SMAD3: variants seen among roughly 807,000 people sequenced by gnomAD.
The protein encoded by SMAD3 is MAD homolog 3.
SMAD3 carries 12 observed loss-of-function variants against 51.8 expected under a neutral mutation model. The observed-to-expected ratio is 0.23, with a 90% CI of 0.15 to 0.38. The LOEUF is 0.38. Among genes scored for constraint, SMAD3 ranks in the 10% least tolerant of loss-of-function variants. The pLI is 1.00. For missense variants in SMAD3, 294 were observed against 565.6 expected (o/e 0.52, Z 4.87); for synonymous variants, 238 against 227.7 (o/e 1.05, Z -0.41).
At chr15:67,172,492 A>G (rs1303827894) in intron 5 of SMAD3, among the ~76,000 whole-genome samples, 2 of 152,300 alleles carry the variant, frequency 1.3e-5, no homozygotes, top group Admixed American at 1.3e-4. Context: ...ATCCCTACCC[A>G]GAAGGTCACC....
chr15:67,127,256 G>C (rs1182591708), intron 1 of SMAD3, among the ~76,000 whole-genome samples: 2 of 152,192 alleles, frequency 1.3e-5, no homozygotes, highest in African/African-American at 4.8e-5. Context: ...CTGTCTACCA[G>C]GTGTTTTGTT....
At chr15:67,105,103 C>T (rs754590180) in intron 1 of SMAD3, among the ~76,000 whole-genome samples, 4 of 152,220 alleles carry the variant, frequency 2.6e-5, no homozygotes, top group Non-Finnish European at 4.4e-5. Context: ...ACCTTTGGCC[C>T]TTTCTTTCCA....
In SMAD3 at chr15:67,185,888, C is replaced by T. The variant is rs190678078; in HGVS notation, c.1009+1024C>T. Among the ~76,000 whole-genome samples, 40 of 152,378 alleles carry T rather than the reference C, an allele frequency of 2.6e-4. 1 individual carries two copies. Among genetic ancestry groups the T allele is most frequent in the East Asian group, 2.1e-3 (11 of 5,186 alleles). Reference sequence around the variant, plus strand: ...CCTGGCCAGGCCATTGCCTGTGGCACGTGTGTGGCATGCCCCTTCCTGCCC... The same window carrying T: ...CCTGGCCAGGCCATTGCCTGTGGCATGTGTGTGGCATGCCCCTTCCTGCCC... On this transcript the variant is annotated intron_variant, in intron 7 of 8. Coordinates refer to ENST00000327367, the MANE Select transcript of SMAD3 (RefSeq NM_005902.4).
intron 1 of SMAD3, among the ~76,000 whole-genome samples, chr15:67,125,545 T>C (rs1329585030): frequency 6.6e-6 from 1 of 152,130 alleles, no homozygotes. Flanking sequence ...ATGATAGGAG[T>C]TAACCACTTT....
chr15:67,114,348 C>T (rs1297476278), intron 1 of SMAD3, among the ~76,000 whole-genome samples: 3 of 152,160 alleles, frequency 2.0e-5, no homozygotes, highest in Non-Finnish European at 2.9e-5. Flanking sequence ...TCATCACCTA[C>T]GGTTATGTGT....
chr15:67,066,812 C>T (rs1959932933), intron 1 of SMAD3, among the ~76,000 whole-genome samples: 1 of 152,246 alleles, frequency 6.6e-6, no homozygotes, highest in African/African-American at 2.4e-5. Context: ...TCAGTCGGGT[C>T]TCCCCACTTT....
intron 8 of SMAD3, among the ~76,000 whole-genome samples, chr15:67,189,199 G>A (rs1280249606): frequency 1.3e-5 from 2 of 152,178 alleles, no homozygotes; most frequent in Non-Finnish European, 2.9e-5. Context: ...AAAGAGTAAG[G>A]GGATGTCCAT....
chr15:67,188,142 CTTTT>C (rs1200876058), intron 8 of SMAD3, among the ~76,000 whole-genome samples: 3 of 110,568 alleles, frequency 2.7e-5, no homozygotes, highest in Admixed American at 9.3e-5. Context: ...GTTTCTTTTT[CTTTT>C]TCTTTTTTTT....
At chr15:67,178,725 A>G (rs980795289) in intron 5 of SMAD3, among the ~76,000 whole-genome samples, 2 of 151,648 alleles carry the variant, frequency 1.3e-5, no homozygotes, top group African/African-American at 2.4e-5. Flanking sequence ...TAGTGACCAC[A>G]TTGTTTAGAA....
At chr15:67,159,923 A>G (rs907537430) in intron 1 of SMAD3, among the ~76,000 whole-genome samples, 1 of 152,214 alleles carries the variant, frequency 6.6e-6, no homozygotes, top group African/African-American at 2.4e-5. Context: ...TCATCTGTTA[A>G]TACATGTGGA....
At chr15:67,143,044 A>G (rs1961875369) in intron 1 of SMAD3, 1 of 212,786 alleles carries the variant, frequency 4.7e-6, no homozygotes, top group Non-Finnish European at 1.0e-5. Flanking sequence ...GTGATTCTCT[A>G]ATGCCAGCTT....
At position 67,179,415 on chromosome 15, in the gene SMAD3, TCCCACCCATCCA is replaced by T. The variant is rs563040052; in HGVS notation, c.659-1817_659-1806del. Among the ~76,000 whole-genome samples, 30 of 152,024 alleles carry T rather than the reference TCCCACCCATCCA, an allele frequency of 2.0e-4. No homozygotes were observed. In the East Asian group the frequency reaches 5.0e-3, roughly 26 times the overall value. ...CATCCTGCAATCTGCAGATCCTCCC[TCCCACCCATCCA>T]CCCACCCAACAAAGAATTATCTGGC... On this transcript the variant is annotated intron_variant, in intron 5 of 8. Coordinates refer to ENST00000327367, the MANE Select transcript of SMAD3 (RefSeq NM_005902.4).
At position 67,090,732 on chromosome 15, in the gene SMAD3, A is replaced by G. The variant is rs1011956717; in HGVS notation, c.206+24372A>G. 1.2e-4 allele frequency among the ~76,000 whole-genome samples: 18 copies of G among 152,172 alleles called. 1 individual carries two copies. Among genetic ancestry groups the G allele is most frequent in the African/African-American group, 4.3e-4 (18 of 41,436 alleles). ...AGCCCTAGATGCTTCTCCTTACTGC[A>G]GTTCCCCTCCCCAGCACTCCCATCT... On this transcript the variant is annotated intron_variant, in intron 1 of 8. Coordinates refer to ENST00000327367, the MANE Select transcript of SMAD3 (RefSeq NM_005902.4).
In SMAD3 at chr15:67,103,215, C is replaced by T. The variant is rs1316121189; in HGVS notation, c.206+36855C>T. On this transcript the variant is annotated intron_variant, in intron 1 of 8. Coordinates refer to ENST00000327367, the MANE Select transcript of SMAD3 (RefSeq NM_005902.4). ...TCCTTGCCCCTGCCTCCCATCACCCCAGTGGAAGAGTTATAGTCAAGGTAG... is the reference window on the plus strand; with the variant it reads ...TCCTTGCCCCTGCCTCCCATCACCCTAGTGGAAGAGTTATAGTCAAGGTAG... Among the ~76,000 whole-genome samples the T allele has an allele frequency of 3.3e-5, 5 of 152,148 alleles. No homozygotes were observed. The South Asian group carries it at 8.3e-4, about 25-fold the overall frequency.
chr15:67,165,418 G>A lies in SMAD3; in HGVS notation c.532+34G>A, dbSNP rs201081779. On this transcript the variant is annotated intron_variant, in intron 3 of 8. Coordinates refer to ENST00000327367, the MANE Select transcript of SMAD3 (RefSeq NM_005902.4). ...GTGGGCGGCACAGGCTGGCCTGGGA[G>A]GCAGGGGCAGCGGTCAGCCCCGACA... 9.9e-6 allele frequency: 16 copies of A among 1,612,186 alleles called. No homozygotes were observed. In the Admixed American group the frequency reaches 2.3e-4, roughly 24 times the overall value.
rs2289791 is a variant in SMAD3 at position 67,184,614 on chromosome 15, G to T, written c.872-113G>T. 340,526 of 1,325,804 alleles carry T rather than the reference G, an allele frequency of 0.26. 46,571 individuals carry two copies. Among genetic ancestry groups the T allele is most frequent in the East Asian group, 0.49 (21,463 of 43,368 alleles). The allele number at this position is 1,325,804 out of a possible 1,614,324, so 82.1% of individuals were successfully genotyped here. A position where few individuals can be genotyped will look rare whatever the true frequency, so the allele number is the denominator to read the frequency against. ...GGGGCCCGTTTGCCTGGGGAAGCTG[G>T]CAGTCACTGGGAGCAGCTCTGCTGT... On this transcript the variant is annotated intron_variant, in intron 6 of 8. Transcript: ENST00000327367.
At chr15:67,076,400 T>G (rs759949453) in intron 1 of SMAD3, among the ~76,000 whole-genome samples, 30 of 152,226 alleles carry the variant, frequency 2.0e-4, no homozygotes, top group Non-Finnish European at 4.4e-5. Flanking sequence ...CTGTCACTGA[T>G]AGCTGCCCGT....
chr15:67,085,895 CACACAT>C (rs1452639877), intron 1 of SMAD3, among the ~76,000 whole-genome samples: 3 of 32,268 alleles, frequency 9.3e-5, no homozygotes, highest in Admixed American at 3.6e-4. Context: ...CACACACACA[CACACAT>C]ACACAGAGAA....
rs1347499620 is a variant in SMAD3 at position 67,193,507 on chromosome 15, C to G, written c.*2971C>G. 15 of 233,716 alleles carry G rather than the reference C, an allele frequency of 6.4e-5. No individual in the cohort carries two copies. In the East Asian group the frequency reaches 9.0e-4, roughly 14 times the overall value. The allele number at this position is 233,716 out of a possible 1,614,324, so 14.5% of individuals were successfully genotyped here. A position where few individuals can be genotyped will look rare whatever the true frequency, so the allele number is the denominator to read the frequency against. ...CACATACGTAGGTAGCTACCCCAGCCGGTTTGGATTACAGGCCTGTGCTGG... is the reference window on the plus strand; with the variant it reads ...CACATACGTAGGTAGCTACCCCAGCGGGTTTGGATTACAGGCCTGTGCTGG... On this transcript the variant is annotated 3_prime_UTR_variant, in exon 9 of 9. Coordinates refer to ENST00000327367, the MANE Select transcript of SMAD3 (RefSeq NM_005902.4).
Sources: allele counts gnomAD v4.1 joint callset (sites outside exome capture counted in the v4.1 genomes callset), GRCh38; gene constraint gnomAD v4.1.1; transcripts MANE v1.5; gene names NCBI Gene and HGNC (gene_info 2026-07-23, HGNC 2026-07-21).